HACD3: variants seen among roughly 807,000 people sequenced by gnomAD.
The protein encoded by HACD3 is very-long-chain (3R)-3-hydroxyacyl-CoA dehydratase 3.
HACD3 carries 30 observed loss-of-function variants against 55.2 expected under a neutral mutation model. The ratio of observed to expected loss-of-function variants is 0.54; its 90% CI spans 0.41 to 0.74. The LOEUF (loss-of-function observed/expected upper bound fraction) is 0.74. Among genes scored for constraint, HACD3 ranks in the 30% least tolerant of loss-of-function variants. The pLI, the probability that HACD3 is intolerant of heterozygous loss-of-function variation, is 0.00. For synonymous variants in HACD3, 141 were observed against 151.7 expected (o/e 0.93, Z 0.52); for missense variants, 363 against 440.1 (o/e 0.82, Z 1.57).
At chr15:65,560,543 A>G (rs2072234191) in intron 5 of HACD3, among the ~76,000 whole-genome samples, 1 of 152,160 alleles carries the variant, frequency 6.6e-6, no homozygotes, top group African/African-American at 2.4e-5. Flanking sequence ...CATGCCTCTA[A>G]TCCCAGCACT....
chr15:65,551,942 A>AT, intron 2 of HACD3: 1 of 450,618 alleles, frequency 2.2e-6, no homozygotes, highest in African/African-American at 2.0e-5. Flanking sequence ...GATACAGTGA[A>AT]GGAAAAAAAA....
intron 1 of HACD3, among the ~76,000 whole-genome samples, chr15:65,545,416 G>A (rs1475208180): frequency 1.3e-5 from 2 of 151,504 alleles, no homozygotes; most frequent in African/African-American, 2.4e-5. Context: ...AATAGGCATG[G>A]CAATCAAGAG....
chr15:65,542,846 C>T (rs966514363), intron 1 of HACD3, among the ~76,000 whole-genome samples: 5 of 151,860 alleles, frequency 3.3e-5, no homozygotes, highest in Non-Finnish European at 5.9e-5. Context: ...GAGGCTGAGG[C>T]GGGCAGATGA....
intron 7 of HACD3, 135 bp downstream of exon 7, chr15:65,564,477 T>C (rs191109569): frequency 8.9e-7 from 1 of 1,121,754 alleles, no homozygotes; most frequent in East Asian, 2.7e-5. Context: ...GAAAGAGGTT[T>C]AATTGGACTT....
chr15:65,534,485 A>G (rs569497463), intron 1 of HACD3: 1 of 152,314 alleles, frequency 6.6e-6, no homozygotes, highest in Non-Finnish European at 1.5e-5. Context: ...TCAAGATTGA[A>G]TTTACTTTCA....
intron 4 of HACD3, among the ~76,000 whole-genome samples, chr15:65,557,697 A>G (rs1262247972): frequency 1.3e-5 from 2 of 152,152 alleles, no homozygotes; most frequent in African/African-American, 4.8e-5. Flanking sequence ...TTTATTTGGA[A>G]TTCTTCTGCA....
intron 1 of HACD3, among the ~76,000 whole-genome samples, chr15:65,537,335 G>T (rs769782606): frequency 6.6e-6 from 1 of 152,206 alleles, no homozygotes; most frequent in Non-Finnish European, 1.5e-5. Flanking sequence ...TCTACTGGAA[G>T]AAGATGCCGT....
chr15:65,544,479 GT>G (rs1346602601), intron 1 of HACD3, among the ~76,000 whole-genome samples: 11 of 152,194 alleles, frequency 7.2e-5, no homozygotes, highest in African/African-American at 2.7e-4. Context: ...TTATACTATA[GT>G]TTTGTAGAAT....
At chr15:65,562,586 T>C (rs2072254072) in intron 5 of HACD3, among the ~76,000 whole-genome samples, 188 bp from the exon 6 acceptor site, 2 of 152,126 alleles carry the variant, frequency 1.3e-5, no homozygotes, top group South Asian at 2.1e-4. Flanking sequence ...TGGAGAGCAA[T>C]GTTCCTTGTA....
At position 65,545,546 on chromosome 15, in the gene HACD3, C is replaced by A. The variant is rs181290448; in HGVS notation, c.88-6130C>A. On this transcript the variant is annotated intron_variant, in intron 1 of 10. Coordinates refer to ENST00000261875, the MANE Select transcript of HACD3 (RefSeq NM_016395.4). ...GGAAGCTCCGCCTCCCGGGTTCACG[C>A]CATTCTCCTGCCTCAGCCTCCTGAG... is the stretch of plus-strand genomic sequence containing the variant. Among the ~76,000 whole-genome samples, 1,398 of 151,822 alleles carry A rather than the reference C, an allele frequency of 9.2e-3. 23 individuals are homozygous for A. The highest frequency in any genetic ancestry group is 0.032 in the African/African-American group (1,312 of 41,358).
Position 65,552,913 on chromosome 15 carries a change from A to G in HACD3, c.130+1195A>G, listed in dbSNP as rs531177196. ...TGTGTCCATGTGATCTCATTGTTCA[A>G]TTCCCACCTATGAGTGAGAATATGC... On this transcript the variant is annotated intron_variant, in intron 2 of 10. Transcript: ENST00000261875. 1.7e-4 allele frequency among the ~76,000 whole-genome samples: 26 copies of G among 150,476 alleles called. No homozygotes were observed. The East Asian group carries it at 2.7e-3, about 16-fold the overall frequency.
chr15:65,570,646 C>T (rs1232631473), intron 8 of HACD3, among the ~76,000 whole-genome samples: 1 of 151,938 alleles, frequency 6.6e-6, no homozygotes, highest in Non-Finnish European at 1.5e-5. Context: ...TTGAAATGGC[C>T]TCTAACCCAA....
At chr15:65,534,606 C>G (rs979521133) in intron 1 of HACD3, among the ~76,000 whole-genome samples, 1 of 152,198 alleles carries the variant, frequency 6.6e-6, no homozygotes, top group African/African-American at 2.4e-5. Flanking sequence ...CAGAGCGTAG[C>G]TGTGTTTGAG....
intron 1 of HACD3, among the ~76,000 whole-genome samples, chr15:65,545,119 G>C (rs1170111087): frequency 1.3e-5 from 2 of 152,106 alleles, no homozygotes; most frequent in East Asian, 3.8e-4. Context: ...ACCATTGGAT[G>C]AAAGAGTGTT....
At chr15:65,560,436 C>G (rs2072233178) in intron 5 of HACD3, among the ~76,000 whole-genome samples, 1 of 152,104 alleles carries the variant, frequency 6.6e-6, no homozygotes, top group Admixed American at 6.5e-5. Context: ...ATTAATGTCC[C>G]TTATTTTCCT....
intron 7 of HACD3, among the ~76,000 whole-genome samples, chr15:65,568,898 AT>A (rs1376449189): frequency 6.6e-6 from 1 of 152,138 alleles, no homozygotes; most frequent in Non-Finnish European, 1.5e-5. Flanking sequence ...TGTCTATCAT[AT>A]ATTGGAATGT....
At chr15:65,575,514 A>T (rs1287639464) in intron 10 of HACD3, among the ~76,000 whole-genome samples, 3 of 152,144 alleles carry the variant, frequency 2.0e-5, no homozygotes, top group Non-Finnish European at 4.4e-5. Context: ...TTGAATTAAA[A>T]ATTAGGTTGT....
intron 5 of HACD3, among the ~76,000 whole-genome samples, chr15:65,561,650 C>G (rs1436751733): frequency 6.6e-6 from 1 of 152,096 alleles, no homozygotes; most frequent in Non-Finnish European, 1.5e-5. Flanking sequence ...ACTTCTGTGA[C>G]CAAGTGGGTG....
intron 6 of HACD3, among the ~76,000 whole-genome samples, chr15:65,563,470 G>A (rs2072262401): frequency 6.6e-6 from 1 of 152,110 alleles, no homozygotes; most frequent in South Asian, 2.1e-4. Context: ...ATAAAATTTA[G>A]GAGAAGAAAG....
Sources: allele counts gnomAD v4.1 joint callset (sites outside exome capture counted in the v4.1 genomes callset), GRCh38; gene constraint gnomAD v4.1.1; transcripts MANE v1.5; gene names NCBI Gene and HGNC (gene_info 2026-07-23, HGNC 2026-07-21).